Variants in HLCS observed in about 807,000 individuals in gnomAD.
HLCS encodes holocarboxylase synthetase, also known as biotin--protein ligase.
Under a neutral mutation model 75.0 loss-of-function variants are expected in HLCS, and 53 were observed. That is an observed-to-expected ratio of 0.71 (90% CI 0.57 to 0.89). The LOEUF (loss-of-function observed/expected upper bound fraction) is 0.89. Among genes scored for constraint, HLCS ranks in the 40% least tolerant of loss-of-function variants. The pLI is 0.00. For missense variants in HLCS, 966 were observed against 1,074.0 expected (o/e 0.90, Z 1.41); for synonymous variants, 431 against 428.6 (o/e 1.01, Z -0.07).
At position 36,799,585 on chromosome 21, in the gene HLCS, G is replaced by A. The variant is rs369745092; in HGVS notation, c.1893-32300C>T. Among the ~76,000 whole-genome samples the A allele has an allele frequency of 5.9e-5, 9 of 152,174 alleles. No individual in the cohort carries two copies. In the East Asian group the frequency reaches 9.6e-4, roughly 16 times the overall value. ...AATTTAGAGATGATTCTTAAGGCAG[G>A]GGACTAAGGGACACTCTGTAGGACA... On this transcript the variant is annotated intron_variant, in intron 6 of 10. Transcript: ENST00000674895.
At chr21:36,945,221 T>G (rs57883789) in intron 2 of HLCS, among the ~76,000 whole-genome samples, 6,119 of 151,054 alleles carry the variant, frequency 0.041, 247 homozygotes, top group African/African-American at 0.11. Context: ...TTTTTTTTGG[T>G]TTTTTTTTGT....
upstream of HLCS, chr21:36,966,742 C>A (rs1463795469): frequency 3.1e-4 from 127 of 409,308 alleles, no homozygotes; most frequent in African/African-American, 3.0e-3. Flanking sequence ...CCGGGCCAGG[C>A]GGCGCGGGGG....
intron 5 of HLCS, among the ~76,000 whole-genome samples, chr21:36,901,752 T>A (rs1373209671): frequency 6.6e-6 from 1 of 152,182 alleles, no homozygotes; most frequent in East Asian, 1.9e-4. Flanking sequence ...GGATTAGGGA[T>A]CCACCCTAAT....
chr21:36,870,738 TA>T (rs1220991461), intron 6 of HLCS, among the ~76,000 whole-genome samples: 1 of 152,186 alleles, frequency 6.6e-6, no homozygotes. Context: ...GAATTTTCAA[TA>T]AAATCATGAG....
chr21:36,984,832 G>A (rs1014645674), intron 1 of HLCS, among the ~76,000 whole-genome samples: 1 of 150,850 alleles, frequency 6.6e-6, no homozygotes, highest in Non-Finnish European at 1.5e-5. Flanking sequence ...TAAATCTTAT[G>A]AAATGTTCTG....
At chr21:36,772,722 C>A (rs572543330) in intron 6 of HLCS, among the ~76,000 whole-genome samples, 1 of 151,168 alleles carries the variant, frequency 6.6e-6, no homozygotes, top group African/African-American at 2.4e-5. Flanking sequence ...TGTTGGTTCA[C>A]GCCTGTAATC....
chr21:36,864,327 G>C (rs1157673077), intron 6 of HLCS, among the ~76,000 whole-genome samples: 1 of 151,998 alleles, frequency 6.6e-6, no homozygotes, highest in African/African-American at 2.4e-5. Context: ...TTGAACCTGG[G>C]AGATGGAGGC....
At chr21:36,940,754 T>C (rs527659086) in intron 2 of HLCS, among the ~76,000 whole-genome samples, 3 of 152,314 alleles carry the variant, frequency 2.0e-5, no homozygotes, top group Admixed American at 6.5e-5. Flanking sequence ...GGCATAAGCA[T>C]AGACATATAG....
intron 5 of HLCS, among the ~76,000 whole-genome samples, chr21:36,907,706 C>A (rs2065519609): frequency 6.6e-6 from 1 of 151,972 alleles, no homozygotes. Context: ...AGTGAAAAGA[C>A]AAACAACAAA....
chr21:36,947,784 C>A (rs2067475610), intron 2 of HLCS: 1 of 985,480 alleles, frequency 1.0e-6, no homozygotes, highest in Non-Finnish European at 1.2e-6. Context: ...GGTGGCCCTG[C>A]CCAACAGGGG....
intron 6 of HLCS, among the ~76,000 whole-genome samples, chr21:36,870,838 G>C (rs2063743334): frequency 2.0e-5 from 3 of 152,120 alleles, no homozygotes; most frequent in Non-Finnish European, 4.4e-5. Flanking sequence ...TAAAAGACCT[G>C]GGCAGAAGGG....
intron 6 of HLCS, among the ~76,000 whole-genome samples, chr21:36,778,780 T>G (rs2060441965): frequency 1.3e-5 from 2 of 152,240 alleles, no homozygotes; most frequent in Non-Finnish European, 2.9e-5. Flanking sequence ...CTATCATTTT[T>G]TATTTTGATA....
chr21:36,756,796 G>A, intron 9 of HLCS, 41 bp from the exon 10 acceptor site: 1 of 1,612,956 alleles, frequency 6.2e-7, no homozygotes, highest in Non-Finnish European at 8.5e-7. Context: ...GCCTGTTGAT[G>A]GCATCACACA....
At chr21:36,797,978 G>A (rs2061078717) in intron 6 of HLCS, among the ~76,000 whole-genome samples, 7 of 152,166 alleles carry the variant, frequency 4.6e-5, no homozygotes, top group Admixed American at 4.6e-4. Context: ...TGGGTTGTGG[G>A]GTTAGAGAAG....
chr21:36,864,517 TTC>T (rs1387603920), intron 6 of HLCS, among the ~76,000 whole-genome samples: 2 of 152,226 alleles, frequency 1.3e-5, no homozygotes, highest in African/African-American at 2.4e-5. Flanking sequence ...AAAGTCTTAC[TTC>T]TCTGTTTTAT....
chr21:36,884,716 C>A (rs1252717889), intron 6 of HLCS, among the ~76,000 whole-genome samples: 1 of 152,132 alleles, frequency 6.6e-6, no homozygotes, highest in Non-Finnish European at 1.5e-5. Context: ...TCTTTTATTG[C>A]TTGTTTAAAT....
intron 6 of HLCS, among the ~76,000 whole-genome samples, chr21:36,848,077 G>C (rs984160833): frequency 6.6e-6 from 1 of 151,976 alleles, no homozygotes; most frequent in Admixed American, 6.6e-5. Flanking sequence ...ATGGCAAAGC[G>C]ACGAACATCC....
chr21:36,946,473 C>A (rs951572917), intron 2 of HLCS, among the ~76,000 whole-genome samples: 1 of 152,044 alleles, frequency 6.6e-6, no homozygotes, highest in Non-Finnish European at 1.5e-5. Flanking sequence ...AACTCCTGAG[C>A]TCAAGCGACC....
intron 6 of HLCS, among the ~76,000 whole-genome samples, chr21:36,850,931 C>T (rs1030009375): frequency 1.3e-5 from 2 of 152,086 alleles, no homozygotes; most frequent in East Asian, 1.9e-4. Context: ...GGACACTACC[C>T]CTGCTGGAGG....
Sources: gnomAD v4.1 joint callset for allele counts (sites outside exome capture counted in the v4.1 genomes callset) on GRCh38, gnomAD v4.1.1 for gene constraint, MANE v1.5 for transcripts, NCBI Gene and HGNC (gene_info 2026-07-23, HGNC 2026-07-21) for gene names.